Variants in GREB1 observed in about 807,000 individuals in gnomAD.
The protein encoded by GREB1 is growth regulating estrogen receptor binding 1.
A neutral mutation model predicts 200.7 loss-of-function variants in GREB1; 106 were observed. The ratio of observed to expected loss-of-function variants is 0.53; its 90% CI spans 0.45 to 0.62. GREB1 has a LOEUF of 0.62. Among genes scored for constraint, GREB1 ranks in the 20% least tolerant of loss-of-function variants. The probability of loss-of-function intolerance (pLI) is 0.00; values close to 1 mark genes in which losing one functional copy is unlikely to be tolerated. For missense variants in GREB1, 2,243 were observed against 2,556.8 expected (o/e 0.88, Z 2.65); for synonymous variants, 1,132 against 1,092.4 (o/e 1.04, Z -0.72).
At chr2:11,509,734 C>T (rs1673298171) in intron 1 of GREB1, among the ~76,000 whole-genome samples, 1 of 152,110 alleles carries the variant, frequency 6.6e-6, no homozygotes, top group Admixed American at 6.6e-5. Flanking sequence ...CCTGTTTGCC[C>T]CTTCCACCAT....
rs768297056 is a variant in GREB1, at chr2:11,597,840, C to T, written c.2014C>T (p.Leu672Phe). The T allele has an allele frequency of 7.4e-6, 12 of 1,614,102 alleles. No individual in the cohort carries two copies. Among genetic ancestry groups the T allele is most frequent in the Non-Finnish European group, 1.0e-5 (12 of 1,180,042 alleles). The stretch of plus-strand genomic sequence containing the variant: ...CCAGCTGGCAGTAGCGCAGAAGCTC[C>T]TCTCCCATGTGTGTTCCATTGCGGA... The part of the protein sequence containing the change: ...PFQLAVAQKL[L>F]SHVCSIADSS... The change falls in exon 14 of 33, where the codon CTC (leucine) becomes TTC (phenylalanine). Residue 672 changes from leucine to phenylalanine, a missense_variant. By Grantham distance (22) the Leu-to-Phe change is conservative. This residue lies in a region of GREB1 where 1,178 missense variants were observed against 1,387.4 expected (regional missense o/e 0.85). Coordinates refer to ENST00000381486, the MANE Select transcript of GREB1 (RefSeq NM_014668.4). The surrounding 1 kb of genome is among the most constrained non-coding windows in gnomAD (Gnocchi z 4.1).
chr2:11,504,530 G>A (rs182387442), intron 1 of GREB1, among the ~76,000 whole-genome samples: 6 of 152,270 alleles, frequency 3.9e-5, no homozygotes, highest in South Asian at 2.1e-4. Context: ...ATCTATGAGC[G>A]AGTAGTCTCC....
chr2:11,512,738 C>T (rs998905604), intron 1 of GREB1, among the ~76,000 whole-genome samples: 10 of 152,322 alleles, frequency 6.6e-5, no homozygotes, highest in African/African-American at 1.9e-4. Context: ...TTGTCTCACA[C>T]GGCTGTTGGA....
intron 1 of GREB1, among the ~76,000 whole-genome samples, chr2:11,483,236 G>A (rs1193700395): frequency 6.7e-6 from 1 of 149,954 alleles, no homozygotes; most frequent in African/African-American, 2.5e-5. Flanking sequence ...GTGCGTGCGT[G>A]TGCGTGTATG....
intron 1 of GREB1, among the ~76,000 whole-genome samples, chr2:11,500,623 C>T (rs771333899): frequency 2.0e-5 from 3 of 152,180 alleles, no homozygotes; most frequent in South Asian, 4.1e-4. Context: ...ATTCTTATTG[C>T]AGCAACAAAA....
At chr2:11,588,095 G>A in intron 9 of GREB1, 1 of 405,402 alleles carries the variant, frequency 2.5e-6, no homozygotes, top group South Asian at 9.7e-5. Flanking sequence ...GTGTGGTGGT[G>A]ATGCGCACCT....
At chr2:11,598,564 A>G (rs1203601718) in intron 14 of GREB1, 116 bp from the exon 15 acceptor site, 2 of 878,374 alleles carry the variant, frequency 2.3e-6, no homozygotes, top group Non-Finnish European at 1.8e-6. Context: ...CTGCTCTTGC[A>G]TCTCTGAGTC....
At chr2:11,587,891 C>T (rs965460531) in intron 9 of GREB1, 26 of 998,438 alleles carry the variant, frequency 2.6e-5, no homozygotes, top group East Asian at 1.1e-4. Flanking sequence ...TATTTGAACC[C>T]GACCTGGGCA....
chr2:11,580,728 TA>T lies in GREB1; in HGVS notation c.800del (p.Asn267ThrfsTer34). On this transcript the variant is annotated frameshift_variant, in exon 7 of 33. Coordinates refer to ENST00000381486, the MANE Select transcript of GREB1 (RefSeq NM_014668.4). LOFTEE classifies it high-confidence loss of function. The surrounding 1 kb of genome is among the most constrained non-coding windows in gnomAD (Gnocchi z 4.5). The part of the protein sequence containing the change: ...QAGPASDHPS[L>X]NAAMGPAVFN... Reference sequence around the variant, plus strand: ...GGACCAGCTTCTGATCACCCCTCACTAAACGCAGCAATGGGTCCGGCTGTTT... The same window carrying T: ...GGACCAGCTTCTGATCACCCCTCACTAACGCAGCAATGGGTCCGGCTGTTT... 6.2e-7 allele frequency: 1 copy of T among 1,614,064 alleles called. No individual in the cohort carries two copies. Among genetic ancestry groups the T allele is most frequent in the Non-Finnish European group, 8.5e-7 (1 of 1,179,930 alleles).
chr2:11,618,975 C>G, intron 22 of GREB1, 56 bp downstream of exon 22: 1 of 1,408,034 alleles, frequency 7.1e-7, no homozygotes, highest in Non-Finnish European at 9.3e-7. Context: ...CCTCACACTC[C>G]CATCTGGAGG....
intron 1 of GREB1, among the ~76,000 whole-genome samples, chr2:11,535,579 TA>T (rs2148499989): frequency 6.6e-6 from 1 of 152,114 alleles, no homozygotes; most frequent in Admixed American, 6.5e-5. Context: ...GGATGACACT[TA>T]AAAAATAATA....
At chr2:11,531,348 C>G (rs531839219), upstream of GREB1, among the ~76,000 whole-genome samples, 7 of 152,238 alleles carry the variant, frequency 4.6e-5, no homozygotes, top group Admixed American at 2.6e-4. Context: ...TGGTGCGACT[C>G]CAGCATTTGG....
intron 20 of GREB1, 150 bp downstream of exon 20, chr2:11,615,440 A>G: frequency 1.6e-6 from 1 of 636,694 alleles, no homozygotes; most frequent in Non-Finnish European, 2.7e-6. Context: ...TCTGGATGAG[A>G]GGTCTCCAGT....
At chr2:11,627,533 A>G (rs1421655385) in intron 25 of GREB1, among the ~76,000 whole-genome samples, 1 of 152,272 alleles carries the variant, frequency 6.6e-6, no homozygotes, top group Non-Finnish European at 1.5e-5. Context: ...CAAAAGGAGT[A>G]CTATGGTTGA....
intron 1 of GREB1, among the ~76,000 whole-genome samples, chr2:11,528,734 A>G (rs917570339): frequency 1.3e-5 from 2 of 152,226 alleles, no homozygotes; most frequent in Non-Finnish European, 2.9e-5. Flanking sequence ...CAATATGCCT[A>G]TGAAATAATG....
intron 1 of GREB1, among the ~76,000 whole-genome samples, chr2:11,489,822 G>A (rs989666464): frequency 3.9e-5 from 6 of 152,002 alleles, no homozygotes; most frequent in African/African-American, 1.5e-4. Context: ...CAGCAAAGTT[G>A]TTATTATCGT....
At chr2:11,618,952 G>A (rs552443682) in intron 22 of GREB1, 33 bp downstream of exon 22, 114 of 1,449,322 alleles carry the variant, frequency 7.9e-5, no homozygotes, top group African/African-American at 1.3e-4. Flanking sequence ...GCACAGCCCC[G>A]GACTGGGGGG....
chr2:11,600,880 A>T lies in GREB1; in HGVS notation c.2414A>T (p.Lys805Met), dbSNP rs1463795048. ...VDRLLNCREV[K>M]EAPNIVTLHV... is the part of the protein sequence containing the mutation. The stretch of plus-strand genomic sequence containing the variant: ...CGATTGCTCAACTGCAGGGAGGTGA[A>T]GGAGGCCCCCAACATTGTGACACTT... Residue 805 changes from lysine to methionine, a missense_variant, in exon 16 of 33, where the codon AAG becomes ATG. By Grantham distance (95) the Lys-to-Met change is moderately conservative. Coordinates refer to ENST00000381486, the MANE Select transcript of GREB1 (RefSeq NM_014668.4). 1 of 1,613,998 alleles carries T rather than the reference A, an allele frequency of 6.2e-7. No individual in the cohort carries two copies. Among genetic ancestry groups the T allele is most frequent in the Non-Finnish European group, 8.5e-7 (1 of 1,179,996 alleles).
At chr2:11,582,174 A>G (rs1261408188) in intron 7 of GREB1, among the ~76,000 whole-genome samples, 1 of 152,118 alleles carries the variant, frequency 6.6e-6, no homozygotes. Context: ...GTGGACCCCC[A>G]GCCTCCACCC....
Sources: allele counts gnomAD v4.1 joint callset (sites outside exome capture counted in the v4.1 genomes callset), GRCh38; gene constraint gnomAD v4.1.1; regional missense constraint gnomAD v4.1.1; non-coding constraint Gnocchi (gnomAD v3.1); transcripts MANE v1.5; gene names NCBI Gene and HGNC (gene_info 2026-07-23, HGNC 2026-07-21).